Variants in CEP128 observed in about 807,000 individuals in gnomAD.
The protein encoded by CEP128 is centrosomal protein 128.
Under a neutral mutation model 156.7 loss-of-function variants are expected in CEP128, and 132 were observed. The ratio of observed to expected loss-of-function variants is 0.84; its 90% CI spans 0.73 to 0.97. The LOEUF (loss-of-function observed/expected upper bound fraction) is 0.97. CEP128 is among the 50% of genes least tolerant of loss of function. The probability of loss-of-function intolerance (pLI) is 0.00; values close to 1 mark genes in which losing one functional copy is unlikely to be tolerated. For synonymous variants in CEP128, 469 were observed against 448.9 expected, an observed-to-expected ratio of 1.04 and a Z score of -0.57; for missense variants, 1,252 against 1,281.9, an observed-to-expected ratio of 0.98 and a Z score of 0.36.
intron 9 of CEP128, among the ~76,000 whole-genome samples, chr14:80,858,167 A>G (rs1428684535): frequency 1.5e-4 from 23 of 151,228 alleles, no homozygotes; most frequent in African/African-American, 5.6e-4. Context: ...TACAGTAACC[A>G]AAACAGCATG....
chr14:80,550,166 G>T (rs1890153075), intron 21 of CEP128, among the ~76,000 whole-genome samples: 2 of 152,146 alleles, frequency 1.3e-5, no homozygotes, highest in African/African-American at 4.8e-5. Flanking sequence ...TTTAGGTTAG[G>T]ATTTACCCCA....
intron 14 of CEP128, among the ~76,000 whole-genome samples, chr14:80,482,170 T>C (rs1286747215): frequency 6.6e-6 from 1 of 152,220 alleles, no homozygotes; most frequent in Non-Finnish European, 1.5e-5. Context: ...CAAACAACTA[T>C]AACAGCAGAA....
chr14:80,822,014 T>C (rs1271897139), intron 13 of CEP128, among the ~76,000 whole-genome samples: 1 of 152,098 alleles, frequency 6.6e-6, no homozygotes, highest in Non-Finnish European at 1.5e-5. Context: ...TTCATGATCA[T>C]GAGACAAGCA....
At chr14:80,822,798 G>C (rs575786659) in intron 13 of CEP128, 1 of 750,164 alleles carries the variant, frequency 1.3e-6, no homozygotes, top group Non-Finnish European at 2.5e-6. Flanking sequence ...GCCAAGTGAA[G>C]TGTGTGCATT....
intron 13 of CEP128, among the ~76,000 whole-genome samples, chr14:80,797,840 T>G (rs1883581684): frequency 6.6e-6 from 1 of 152,182 alleles, no homozygotes; most frequent in African/African-American, 2.4e-5. Flanking sequence ...AAATATTATT[T>G]TCCTAATGCA....
At chr14:80,507,027 C>A (rs1026181076) in intron 23 of CEP128, among the ~76,000 whole-genome samples, 38 of 151,960 alleles carry the variant, frequency 2.5e-4, no homozygotes, top group Admixed American at 1.2e-3. Context: ...TGTGGCACCT[C>A]CCCTCAGCTC....
Position 80,914,409 on chromosome 14 carries a change from C to T in CEP128, c.148-1G>A. Reference sequence around the variant, plus strand: ...CTTGTCGCAGGTTCCGACTGGTATCCTTGAGAAAGAAAATGGACTGAATTA... The same window carrying T: ...CTTGTCGCAGGTTCCGACTGGTATCTTTGAGAAAGAAAATGGACTGAATTA... On this transcript the variant is annotated splice_acceptor_variant, in intron 3 of 24. Coordinates refer to ENST00000555265, the MANE Select transcript of CEP128 (RefSeq NM_152446.5). LOFTEE classifies it high-confidence loss of function. 2 of 1,610,864 alleles carry T rather than the reference C, an allele frequency of 1.2e-6. No homozygotes were observed. Among genetic ancestry groups the T allele is most frequent in the South Asian group, 2.2e-5 (2 of 90,994 alleles).
chr14:80,903,638 C>CA (rs1238985882), intron 6 of CEP128, among the ~76,000 whole-genome samples: 5 of 150,364 alleles, frequency 3.3e-5, no homozygotes, highest in African/African-American at 4.9e-5. Flanking sequence ...ATAAAGAACT[C>CA]AAACAACTCA....
chr14:80,936,708 A>G (rs944716006), intron 2 of CEP128, among the ~76,000 whole-genome samples: 1 of 152,242 alleles, frequency 6.6e-6, no homozygotes, highest in African/African-American at 2.4e-5. Context: ...GAAAAAGAAC[A>G]GTCCAGTTGT....
intron 13 of CEP128, among the ~76,000 whole-genome samples, chr14:80,826,485 T>C (rs544436494): frequency 2.4e-4 from 37 of 152,274 alleles, no homozygotes; most frequent in Middle Eastern, 3.4e-3. Flanking sequence ...TTATTAAAAG[T>C]AATATTAAAG....
chr14:80,604,979 C>A (rs1369394410), intron 19 of CEP128, among the ~76,000 whole-genome samples: 1 of 152,008 alleles, frequency 6.6e-6, no homozygotes, highest in African/African-American at 2.4e-5. Context: ...AGTTTCTGGA[C>A]AAGTTTCTAC....
rs768655084 is a variant in CEP128 at position 80,743,074 on chromosome 14, CCT to C, written c.2805_2806del (p.Asp936SerfsTer10). The C allele has an allele frequency of 5.0e-6, 8 of 1,612,526 alleles. No individual in the cohort carries two copies. Among genetic ancestry groups the C allele is most frequent in the Non-Finnish European group, 6.8e-6 (8 of 1,179,122 alleles). ...AAAATGAAAGAACAACTAACACACACCTCTCTTCTCACGATGTATTTCATCCA... is the reference window on the plus strand; with the variant it reads ...AAAATGAAAGAACAACTAACACACACCTCTTCTCACGATGTATTTCATCCA... On this transcript the variant is annotated frameshift_variant and splice_region_variant, in exon 19 of 25. Transcript: ENST00000555265. LOFTEE classifies it high-confidence loss of function.
At chr14:80,677,245 ACCT>A (rs1266717027) in intron 19 of CEP128, among the ~76,000 whole-genome samples, 1 of 152,076 alleles carries the variant, frequency 6.6e-6, no homozygotes, top group Non-Finnish European at 1.5e-5. Context: ...GGTGGCTGAC[ACCT>A]GTAATCCCAG....
chr14:80,875,450 C>A (rs142464312), intron 8 of CEP128, among the ~76,000 whole-genome samples: 37 of 152,202 alleles, frequency 2.4e-4, no homozygotes, highest in African/African-American at 7.5e-4. Flanking sequence ...AGAATCAAAA[C>A]TAAACAGTAG....
chr14:80,882,716 G>A (rs1002638304), intron 8 of CEP128, among the ~76,000 whole-genome samples: 3 of 152,100 alleles, frequency 2.0e-5, no homozygotes, highest in Admixed American at 6.5e-5. Context: ...TATACACAAC[G>A]GAGTACTATT....
chr14:80,899,378 C>T (rs1883395158), intron 7 of CEP128, among the ~76,000 whole-genome samples: 1 of 152,114 alleles, frequency 6.6e-6, no homozygotes. Context: ...AAGAAAGCCA[C>T]CTGCCACTGG....
intron 8 of CEP128, among the ~76,000 whole-genome samples, chr14:80,893,955 T>C (rs1158490448): frequency 6.6e-6 from 1 of 151,872 alleles, no homozygotes; most frequent in Non-Finnish European, 1.5e-5. Flanking sequence ...AGTTAATCAA[T>C]TAAACATTCA....
chr14:80,598,893 G>A (rs1892457318), intron 19 of CEP128, among the ~76,000 whole-genome samples: 1 of 152,068 alleles, frequency 6.6e-6, no homozygotes, highest in South Asian at 2.1e-4. Context: ...GAAGAGAAGT[G>A]GATGTGGCTA....
chr14:80,635,300 C>A (rs1299392800), intron 19 of CEP128, among the ~76,000 whole-genome samples: 1 of 152,126 alleles, frequency 6.6e-6, no homozygotes, highest in Non-Finnish European at 1.5e-5. Context: ...TGAGAATAGA[C>A]CCCACACACA....
Sources: allele counts gnomAD v4.1 joint callset (sites outside exome capture counted in the v4.1 genomes callset), GRCh38; gene constraint gnomAD v4.1.1; transcripts MANE v1.5; gene names NCBI Gene and HGNC (gene_info 2026-07-23, HGNC 2026-07-21).